FRMD4B: variants seen among roughly 807,000 people sequenced by gnomAD.
FRMD4B encodes the protein FERM domain-containing protein 4B.
FRMD4B carries 74 observed loss-of-function variants against 141.5 expected under a neutral mutation model. The observed-to-expected ratio is 0.52, with a 90% CI of 0.43 to 0.63. FRMD4B has a LOEUF of 0.63. Ranked by LOEUF, FRMD4B falls within the 30% of genes least tolerant of loss-of-function variation. FRMD4B has a pLI of 0.00. For missense variants in FRMD4B, 1,366 were observed against 1,253.4 expected (o/e 1.09, Z -1.36); for synonymous variants, 506 against 467.9 (o/e 1.08, Z -1.05).
At chr3:69,238,033 C>T (rs1012179974) in intron 7 of FRMD4B, among the ~76,000 whole-genome samples, 4 of 152,168 alleles carry the variant, frequency 2.6e-5, no homozygotes, top group African/African-American at 9.7e-5. Context: ...CGCCCATCCA[C>T]TTTGGGCTCT....
chr3:69,457,766 C>T lies in FRMD4B; in HGVS notation c.-128-25005G>A, dbSNP rs145178875. ...AAAAGAAGTTTTCTGGCTTAGTAGC[C>T]GACCCTTGCGCCCACAATCACATTT... is the stretch of plus-strand genomic sequence containing the variant. On this transcript the variant is annotated intron_variant, in intron 1 of 5. Coordinates refer to the FRMD4B transcript ENST00000459638. 7.2e-5 allele frequency among the ~76,000 whole-genome samples: 11 copies of T among 152,276 alleles called. No homozygotes were observed. In the South Asian group the frequency reaches 8.3e-4, roughly 11 times the overall value.
chr3:69,232,253 G>A (rs1472763711), intron 7 of FRMD4B, among the ~76,000 whole-genome samples: 2 of 151,990 alleles, frequency 1.3e-5, no homozygotes, highest in African/African-American at 4.8e-5. Flanking sequence ...CCGGGTCCTA[G>A]CCAGAGAGAA....
chr3:69,372,969 G>A (rs569345224), intron 1 of FRMD4B, among the ~76,000 whole-genome samples: 1 of 152,252 alleles, frequency 6.6e-6, no homozygotes, highest in African/African-American at 2.4e-5. Context: ...CAGGCAGTGT[G>A]GTTCTAGTGT....
intron 1 of FRMD4B, among the ~76,000 whole-genome samples, chr3:69,445,093 G>A (rs2106872857): frequency 6.6e-6 from 1 of 152,276 alleles, no homozygotes; most frequent in South Asian, 2.1e-4. Flanking sequence ...GCTGCGGTCA[G>A]AGTGATGCAT....
chr3:69,355,465 C>T (rs935249892), intron 1 of FRMD4B, among the ~76,000 whole-genome samples: 3 of 152,134 alleles, frequency 2.0e-5, no homozygotes, highest in African/African-American at 2.4e-5. Flanking sequence ...ATACATGGTA[C>T]CTTTTCTTAC....
At chr3:69,199,341 A>G (rs2092944053) in intron 11 of FRMD4B, 1 of 152,482 alleles carries the variant, frequency 6.6e-6, no homozygotes, top group Non-Finnish European at 1.5e-5. Context: ...GTGGAAGAAC[A>G]TGTACACTAT....
chr3:69,214,759 G>C (rs1448368282), intron 11 of FRMD4B, among the ~76,000 whole-genome samples: 2 of 152,100 alleles, frequency 1.3e-5, no homozygotes, highest in Non-Finnish European at 2.9e-5. Flanking sequence ...CTACTTGGGA[G>C]GCTGAGGTGG....
chr3:69,216,456 G>A lies in FRMD4B; in HGVS notation c.790-107C>T, dbSNP rs539414356. On this transcript the variant is annotated intron_variant, in intron 10 of 22. Coordinates refer to ENST00000398540, the MANE Select transcript of FRMD4B (RefSeq NM_015123.3). ...TTTTTTTTTTTTTTTTTTTTGAGAC[G>A]GAGTCTCATTCTGTCACCAGGCTGG... 4.3e-4 allele frequency: 249 copies of A among 583,078 alleles called. 1 individual carries two copies. In the East Asian group the frequency reaches 4.5e-3, roughly 11 times the overall value. 36.1% of individuals were successfully genotyped at this position (583,078 alleles called of 1,614,324 possible). A position where few individuals can be genotyped will look rare whatever the true frequency, so the allele number is the denominator to read the frequency against.
At chr3:69,214,450 G>T (rs907981713) in intron 11 of FRMD4B, among the ~76,000 whole-genome samples, 1 of 152,174 alleles carries the variant, frequency 6.6e-6, no homozygotes, top group Non-Finnish European at 1.5e-5. Context: ...GCATGAGTCA[G>T]TCTTGATGTC....
intron 1 of FRMD4B, among the ~76,000 whole-genome samples, chr3:69,315,862 C>G (rs1575723833): frequency 1.3e-5 from 2 of 152,294 alleles, no homozygotes; most frequent in East Asian, 3.9e-4. Context: ...TTGTACAAAA[C>G]TATAAGTTTT....
At chr3:69,459,416 T>C (rs1043283107) in intron 1 of FRMD4B, among the ~76,000 whole-genome samples, 1 of 152,206 alleles carries the variant, frequency 6.6e-6, no homozygotes, top group Non-Finnish European at 1.5e-5. Flanking sequence ...ATGCTAGATA[T>C]AATTTTTAAG....
intron 1 of FRMD4B, among the ~76,000 whole-genome samples, chr3:69,345,205 G>A (rs761143603): frequency 3.3e-5 from 5 of 152,204 alleles, no homozygotes; most frequent in African/African-American, 4.8e-5. Context: ...CACCTGACTC[G>A]GAGGGTCCCA....
At chr3:69,498,778 A>G (rs557736907) in intron 1 of FRMD4B, among the ~76,000 whole-genome samples, 1 of 152,304 alleles carries the variant, frequency 6.6e-6, no homozygotes, top group South Asian at 2.1e-4. Context: ...ACGGGCTCAC[A>G]GGCACTCATT....
chr3:69,281,183 C>T (rs2093642982), intron 5 of FRMD4B, among the ~76,000 whole-genome samples: 1 of 152,112 alleles, frequency 6.6e-6, no homozygotes, highest in Non-Finnish European at 1.5e-5. Flanking sequence ...ACCCGCCCAC[C>T]TCAGCCTCCC....
chr3:69,285,208 T>C (rs909073207), intron 5 of FRMD4B, among the ~76,000 whole-genome samples: 1 of 151,268 alleles, frequency 6.6e-6, no homozygotes, highest in Non-Finnish European at 1.5e-5. Flanking sequence ...AACTCTAATA[T>C]ACAAAATGGG....
At chr3:69,455,928 C>G (rs1431075232) in intron 1 of FRMD4B, among the ~76,000 whole-genome samples, 3 of 152,172 alleles carry the variant, frequency 2.0e-5, no homozygotes, top group Non-Finnish European at 2.9e-5. Flanking sequence ...TGTAGCTTCT[C>G]AGTTCCATTT....
intron 2 of FRMD4B, among the ~76,000 whole-genome samples, chr3:69,404,173 A>G (rs1704614429): frequency 6.6e-6 from 1 of 152,200 alleles, no homozygotes; most frequent in Non-Finnish European, 1.5e-5. Flanking sequence ...CTGAGATTAC[A>G]GGCCTGAACC....
chr3:69,187,781 G>T lies in FRMD4B; in HGVS notation c.1908C>A (p.Thr636=). ...KSSINEQFVD[T]RQSREMLSTH... is the part of the protein sequence containing the mutation. Reference sequence around the variant, plus strand: ...ATATGACCTCTCACCTGGACTGCCTGGTATCCACAAACTGTTCATTGATGG... The same window carrying T: ...ATATGACCTCTCACCTGGACTGCCTTGTATCCACAAACTGTTCATTGATGG... The change falls in exon 19 of 23, where the codon ACC becomes ACA. Residue 636 remains threonine (T), a synonymous_variant. Transcript: ENST00000398540. 6.2e-7 allele frequency: 1 copy of T among 1,611,832 alleles called. No individual in the cohort carries two copies. Among genetic ancestry groups the T allele is most frequent in the Non-Finnish European group, 8.5e-7 (1 of 1,178,998 alleles).
At chr3:69,336,473 T>C (rs984452443) in intron 1 of FRMD4B, 1 of 152,190 alleles carries the variant, frequency 6.6e-6, no homozygotes, top group Non-Finnish European at 1.5e-5. Flanking sequence ...GAAGATAATC[T>C]GGGGCTATAT....
Sources: gnomAD v4.1 joint callset for allele counts (sites outside exome capture counted in the v4.1 genomes callset) on GRCh38, gnomAD v4.1.1 for gene constraint, MANE v1.5 for transcripts, NCBI Gene and HGNC (gene_info 2026-07-23, HGNC 2026-07-21) for gene names.